Variants in WWOX observed in about 807,000 individuals in gnomAD.
WWOX encodes WW domain-containing oxidoreductase.
WWOX carries 69 observed loss-of-function variants against 46.2 expected under a neutral mutation model. That is an observed-to-expected ratio of 1.49 (90% CI 1.23 to 1.82). The LOEUF is 1.82. Among genes scored for constraint, WWOX ranks in the 40% most tolerant of loss-of-function variants. The pLI is 0.00. For missense variants in WWOX, 919 were observed against 542.6 expected, an observed-to-expected ratio of 1.69 and a Z score of -6.89; for synonymous variants, 359 against 202.6, an observed-to-expected ratio of 1.77 and a Z score of -6.56.
chr16:78,969,677 A>G (rs917605364), intron 8 of WWOX, among the ~76,000 whole-genome samples: 1 of 152,118 alleles, frequency 6.6e-6, no homozygotes, highest in Non-Finnish European at 1.5e-5. Flanking sequence ...TTAATAAAGA[A>G]GAGAAAAGAA....
At chr16:78,847,199 G>C (rs1049153550) in intron 8 of WWOX, among the ~76,000 whole-genome samples, 1 of 152,160 alleles carries the variant, frequency 6.6e-6, no homozygotes, top group East Asian at 1.9e-4. Flanking sequence ...CTAAGATCTA[G>C]GTGCTAGTTG....
intron 8 of WWOX, among the ~76,000 whole-genome samples, chr16:78,793,308 G>C (rs543923896): frequency 6.6e-6 from 1 of 152,246 alleles, no homozygotes; most frequent in Non-Finnish European, 1.5e-5. Context: ...AGATCTGCCT[G>C]CCTCAGCCTC....
At chr16:78,313,895 G>C (rs1012048942) in intron 5 of WWOX, among the ~76,000 whole-genome samples, 7 of 152,142 alleles carry the variant, frequency 4.6e-5, no homozygotes, top group African/African-American at 1.7e-4. Context: ...GATTGGAATT[G>C]TCCAGTCTTA....
chr16:78,402,182 A>G (rs562212708), intron 6 of WWOX, among the ~76,000 whole-genome samples: 8 of 152,322 alleles, frequency 5.3e-5, no homozygotes, highest in African/African-American at 7.2e-5. Context: ...TCTGCTTTCT[A>G]TCTCTACCTG....
In WWOX at chr16:78,395,274, T is replaced by G. The variant is rs546853542; in HGVS notation, c.605+8326T>G. ...TGTCTCATGCCTGTTATCCCAGCAC[T>G]TTGGGAGGCCAAGGCAGGCAGGTTG... On this transcript the variant is annotated intron_variant, in intron 6 of 8. Transcript: ENST00000566780. Among the ~76,000 whole-genome samples, 12 of 152,322 alleles carry G rather than the reference T, an allele frequency of 7.9e-5. No individual in the cohort carries two copies. In the South Asian group the frequency reaches 2.5e-3, roughly 32 times the overall value.
rs2046446704 is a variant in WWOX at position 78,970,383 on chromosome 16, C to G, written c.1057-241225C>G. The stretch of plus-strand genomic sequence containing the variant: ...TGAATAACATCAATTAGCATAACCT[C>G]ATGCCCAGCATCGTCCTTATTGTTG... On this transcript the variant is annotated intron_variant, in intron 8 of 8. Transcript: ENST00000566780. 2.6e-5 allele frequency among the ~76,000 whole-genome samples: 4 copies of G among 152,328 alleles called. No homozygotes were observed. In the South Asian group the frequency reaches 8.3e-4, roughly 32 times the overall value.
chr16:78,616,131 G>C (rs1156395826), intron 8 of WWOX, among the ~76,000 whole-genome samples: 1 of 152,044 alleles, frequency 6.6e-6, no homozygotes, highest in Non-Finnish European at 1.5e-5. Context: ...TCTTTGGCCT[G>C]GAAAGGGTAT....
rs954518539 is a variant in WWOX at position 78,693,404 on chromosome 16, T to G, written c.1056+260652T>G. 3.7e-4 allele frequency among the ~76,000 whole-genome samples: 56 copies of G among 152,356 alleles called. 1 individual carries two copies. Among genetic ancestry groups the G allele is most frequent in the African/African-American group, 1.3e-3 (56 of 41,582 alleles). On this transcript the variant is annotated intron_variant, in intron 8 of 8. Transcript: ENST00000566780. ...ACTTCTAAGTTCCATTGCAAAAATA[T>G]GCTGCCTGCTCTGTCAGCCACCCTA...
At chr16:79,007,642 C>T (rs1352631272) in intron 8 of WWOX, among the ~76,000 whole-genome samples, 9 of 152,164 alleles carry the variant, frequency 5.9e-5, no homozygotes. Flanking sequence ...CTCCTTAAAC[C>T]TCACTGCAGA....
In WWOX at chr16:78,536,623, A is replaced by T. The variant is rs555398873; in HGVS notation, c.1056+103871A>T. Among the ~76,000 whole-genome samples the T allele has an allele frequency of 3.3e-5, 5 of 152,192 alleles. No individual in the cohort carries two copies. The East Asian group carries it at 9.7e-4, about 30-fold the overall frequency. On this transcript the variant is annotated intron_variant, in intron 8 of 8. Coordinates refer to ENST00000566780, the MANE Select transcript of WWOX (RefSeq NM_016373.4). ...CTCCCCCATTAAGTGTCAACATTGA[A>T]TCAATGCAATCCCATGCAAAGAAAG...
chr16:78,954,861 C>G (rs745475858), intron 8 of WWOX, among the ~76,000 whole-genome samples: 5 of 152,144 alleles, frequency 3.3e-5, no homozygotes, highest in Admixed American at 1.3e-4. Context: ...ATGATTGTAG[C>G]TCACTCCAGT....
At chr16:78,356,258 CAT>C (rs2081288299) in intron 5 of WWOX, among the ~76,000 whole-genome samples, 1 of 151,796 alleles carries the variant, frequency 6.6e-6, no homozygotes, top group African/African-American at 2.4e-5. Flanking sequence ...ATATATGTAT[CAT>C]ATACATATAT....
At chr16:78,316,057 C>G (rs1194771049) in intron 5 of WWOX, among the ~76,000 whole-genome samples, 1 of 151,896 alleles carries the variant, frequency 6.6e-6, no homozygotes, top group Admixed American at 6.6e-5. Flanking sequence ...ATTAGCCTGG[C>G]CCACATGGTG....
chr16:78,968,281 C>T, intron 8 of WWOX, among the ~76,000 whole-genome samples: 1 of 152,200 alleles, frequency 6.6e-6, no homozygotes, highest in East Asian at 1.9e-4. Flanking sequence ...AAACTGTGCC[C>T]CATAGTCCTA....
At chr16:78,943,856 C>T (rs965486088) in intron 8 of WWOX, among the ~76,000 whole-genome samples, 8 of 152,144 alleles carry the variant, frequency 5.3e-5, no homozygotes, top group African/African-American at 1.4e-4. Context: ...AAGAGCACAG[C>T]TTCTGGAAGT....
At chr16:78,675,561 T>C (rs1361670095) in intron 8 of WWOX, among the ~76,000 whole-genome samples, 1 of 151,930 alleles carries the variant, frequency 6.6e-6, no homozygotes, top group Admixed American at 6.6e-5. Flanking sequence ...AGCACGGGGG[T>C]TTATGTGATG....
At chr16:79,132,590 T>C (rs1164993340) in intron 8 of WWOX, among the ~76,000 whole-genome samples, 4 of 152,170 alleles carry the variant, frequency 2.6e-5, no homozygotes, top group South Asian at 2.1e-4. Flanking sequence ...CTGTCTGGTT[T>C]CTCTGTGTCT....
At chr16:78,581,427 G>A (rs1015158937) in intron 8 of WWOX, among the ~76,000 whole-genome samples, 8 of 152,150 alleles carry the variant, frequency 5.3e-5, no homozygotes, top group African/African-American at 1.9e-4. Flanking sequence ...AACAGGAACT[G>A]GTTTTATTTT....
At chr16:79,002,483 A>G (rs1163276589) in intron 8 of WWOX, among the ~76,000 whole-genome samples, 3 of 152,090 alleles carry the variant, frequency 2.0e-5, no homozygotes, top group African/African-American at 4.8e-5. Flanking sequence ...TTGGCCTCCC[A>G]AAGTGCTGGG....
Sources: gnomAD v4.1 joint callset for allele counts (sites outside exome capture counted in the v4.1 genomes callset) on GRCh38, gnomAD v4.1.1 for gene constraint, MANE v1.5 for transcripts, NCBI Gene and HGNC (gene_info 2026-07-23, HGNC 2026-07-21) for gene names.